MYOF: variants seen among roughly 807,000 people sequenced by gnomAD.
MYOF encodes fer-1-like 3, myoferlin.
MYOF carries 244 observed loss-of-function variants against 284.2 expected under a neutral mutation model. The ratio of observed to expected loss-of-function variants is 0.86; its 90% CI spans 0.77 to 0.95. The LOEUF is 0.95. MYOF is among the 40% of genes least tolerant of loss of function. The pLI is 0.00. For missense variants in MYOF, 2,496 were observed against 2,560.6 expected (o/e 0.97, Z 0.54); for synonymous variants, 904 against 919.7 (o/e 0.98, Z 0.31).
At chr10:93,324,081 A>C (rs1842945335) in intron 46 of MYOF, among the ~76,000 whole-genome samples, 1 of 152,208 alleles carries the variant, frequency 6.6e-6, no homozygotes, top group Non-Finnish European at 1.5e-5. Context: ...TTTGTGCTCC[A>C]TCTTGGTGAG....
intron 16 of MYOF, among the ~76,000 whole-genome samples, chr10:93,393,799 G>A (rs992589293): frequency 6.6e-6 from 1 of 152,134 alleles, no homozygotes; most frequent in African/African-American, 2.4e-5. Context: ...TCCTCCTTCT[G>A]CTTCTCATCT....
chr10:93,392,990 G>C, intron 16 of MYOF, 35 bp from the exon 17 acceptor site: 1 of 1,554,328 alleles, frequency 6.4e-7, no homozygotes, highest in Non-Finnish European at 8.9e-7. Flanking sequence ...TAAACAAGAA[G>C]AACACGGGCA....
Position 93,482,290 on chromosome 10 carries a change from C to T in MYOF, c.-96G>A, listed in dbSNP as rs1367303036. On this transcript the variant is annotated 5_prime_UTR_variant, in exon 1 of 54. Coordinates refer to ENST00000359263, the MANE Select transcript of MYOF (RefSeq NM_013451.4). ...ACCGCCCTGGGAGAGAAGTTCTCTCCCAGTGAAGGGAGGATTTCTCCCAGG... is the reference window on the plus strand; with the variant it reads ...ACCGCCCTGGGAGAGAAGTTCTCTCTCAGTGAAGGGAGGATTTCTCCCAGG... 3 of 1,046,448 alleles carry T rather than the reference C, an allele frequency of 2.9e-6. No individual in the cohort carries two copies. The highest frequency in any genetic ancestry group is 4.3e-6 in the Non-Finnish European group (3 of 695,118). 64.8% of individuals were successfully genotyped at this position (1,046,448 alleles called of 1,614,324 possible).
At chr10:93,437,387 G>C (rs147503401) in intron 3 of MYOF, among the ~76,000 whole-genome samples, 85 of 152,220 alleles carry the variant, frequency 5.6e-4, no homozygotes, top group Middle Eastern at 3.4e-3. Flanking sequence ...TCTGGAGTGA[G>C]TAAGGGCTTT....
rs779748514 is a variant in MYOF, at chr10:93,337,765, A to T, written c.4437+50T>A. ...CATCCTCTTAGCTCTGCCTGTGGCCAGTTTCAAAGGATGTTGATTCTCCAC... is the reference window on the plus strand; with the variant it reads ...CATCCTCTTAGCTCTGCCTGTGGCCTGTTTCAAAGGATGTTGATTCTCCAC... On this transcript the variant is annotated intron_variant, in intron 40 of 53. Transcript: ENST00000359263. The T allele has an allele frequency of 5.3e-6, 8 of 1,498,918 alleles. No individual in the cohort carries two copies. The East Asian group carries it at 6.8e-5, about 13-fold the overall frequency. The allele number at this position is 1,498,918 out of a possible 1,614,324, so 92.9% of individuals were successfully genotyped here.
intron 1 of MYOF, among the ~76,000 whole-genome samples, chr10:93,459,429 T>C (rs1006542419): frequency 1.3e-5 from 2 of 152,216 alleles, no homozygotes; most frequent in African/African-American, 4.8e-5. Flanking sequence ...TCTCTAACCA[T>C]TGAGACAATT....
At chr10:93,374,279 C>T (rs1314367893) in intron 23 of MYOF, among the ~76,000 whole-genome samples, 1 of 152,164 alleles carries the variant, frequency 6.6e-6, no homozygotes, top group Admixed American at 6.5e-5. Context: ...CATTTGTACA[C>T]CCACCATCTT....
At chr10:93,469,506 TA>T (rs1447239073) in intron 1 of MYOF, among the ~76,000 whole-genome samples, 13 of 152,146 alleles carry the variant, frequency 8.5e-5, no homozygotes, top group African/African-American at 2.9e-4. Context: ...TCCAACACCC[TA>T]GGGCAAACAA....
In MYOF at chr10:93,347,772, TTGGGCAAGAAC is replaced by T. The variant is rs767082957; in HGVS notation, c.4084-1_4093del. On this transcript the variant is annotated splice_acceptor_variant and coding_sequence_variant, in exon 37 of 54. Transcript: ENST00000359263. LOFTEE classifies it high-confidence loss of function. ...CAGTGGGGGCATGTACAATTCCTCC[TTGGGCAAGAAC>T]TGGGGGTCACAAAGGTAGGTTTCAT... 22 of 1,611,522 alleles carry T rather than the reference TTGGGCAAGAAC, an allele frequency of 1.4e-5. No homozygotes were observed. Among genetic ancestry groups the T allele is most frequent in the Non-Finnish European group, 1.8e-5 (21 of 1,178,464 alleles).
intron 32 of MYOF, among the ~76,000 whole-genome samples, chr10:93,352,945 G>C (rs938879755): frequency 6.6e-6 from 1 of 152,158 alleles, no homozygotes; most frequent in Non-Finnish European, 1.5e-5. Flanking sequence ...ACAAATATTG[G>C]TAAATATTAG....
chr10:93,307,189 C>T (rs1034388689), intron 53 of MYOF, among the ~76,000 whole-genome samples, 188 bp from the exon 54 acceptor site: 1 of 100,166 alleles, frequency 1.0e-5, no homozygotes, highest in South Asian at 3.0e-4. Flanking sequence ...GCCAGTAGCA[C>T]CCCCCCGCCA....
chr10:93,394,594 G>A (rs183600873), intron 16 of MYOF, among the ~76,000 whole-genome samples: 3 of 150,760 alleles, frequency 2.0e-5, no homozygotes, highest in Non-Finnish European at 3.0e-5. Flanking sequence ...CAGAGTAGCT[G>A]GGACTACATG....
At chr10:93,434,242 C>T (rs958447329) in intron 3 of MYOF, among the ~76,000 whole-genome samples, 2 of 151,890 alleles carry the variant, frequency 1.3e-5, no homozygotes, top group African/African-American at 4.8e-5. Context: ...ACCAGCCTGG[C>T]CAACATGGTG....
At chr10:93,424,442 C>T (rs572461106) in intron 5 of MYOF, among the ~76,000 whole-genome samples, 1 of 152,160 alleles carries the variant, frequency 6.6e-6, no homozygotes, top group East Asian at 1.9e-4. Flanking sequence ...CTCTGTGTTT[C>T]GTGGTTTTTT....
chr10:93,437,675 T>C (rs1284986545), intron 3 of MYOF, among the ~76,000 whole-genome samples: 1 of 152,180 alleles, frequency 6.6e-6, no homozygotes, highest in South Asian at 2.1e-4. Flanking sequence ...AGGTCCCCTG[T>C]AGGAAACCTA....
intron 35 of MYOF, 108 bp downstream of exon 35, chr10:93,351,089 G>A: frequency 8.3e-7 from 1 of 1,207,250 alleles, no homozygotes; most frequent in Non-Finnish European, 1.2e-6. Flanking sequence ...AAAGGAAGTT[G>A]GAGATAGCAA....
In MYOF at chr10:93,482,203, G is replaced by A; in HGVS notation, c.-9C>T. On this transcript the variant is annotated 5_prime_UTR_variant, in exon 1 of 54. Coordinates refer to ENST00000359263, the MANE Select transcript of MYOF (RefSeq NM_013451.4). ...ACAATCACTCGCAGCATGGTTCTTA[G>A]CTGGTAGAAAGCAAGTTTCAGCAAA... is the stretch of plus-strand genomic sequence containing the variant. The A allele has an allele frequency of 6.2e-7, 1 of 1,610,550 alleles. No individual in the cohort carries two copies. The highest frequency in any genetic ancestry group is 8.5e-7 in the Non-Finnish European group (1 of 1,178,782).
intron 1 of MYOF, among the ~76,000 whole-genome samples, chr10:93,460,865 G>T (rs560504278): frequency 6.6e-6 from 1 of 152,206 alleles, no homozygotes; most frequent in East Asian, 1.9e-4. Flanking sequence ...GGAGGCTGAG[G>T]CAGGCGGATC....
rs200180322 is a variant in MYOF at position 93,335,971 on chromosome 10, G to A, written c.4513C>T (p.Arg1505Ter). 216 of 1,613,982 alleles carry A rather than the reference G, an allele frequency of 1.3e-4. No individual in the cohort carries two copies. The highest frequency in any genetic ancestry group is 3.4e-5 in the Non-Finnish European group (40 of 1,180,012). ...TCTTCATTTTCATCCGACTTGCCTC[G>A]GTACAACTTGAACGTATCTGAGAAG... ...TDFSDTFKLY[R>*]GKSDENEDPS... Residue 1505 changes from arginine to a stop codon, truncating the protein, a stop_gained, in exon 41 of 54, where the codon CGA (arginine) becomes TGA (stop). Coordinates refer to ENST00000359263, the MANE Select transcript of MYOF (RefSeq NM_013451.4). LOFTEE classifies it high-confidence loss of function.
Sources: gnomAD v4.1 joint callset for allele counts (sites outside exome capture counted in the v4.1 genomes callset) on GRCh38, gnomAD v4.1.1 for gene constraint, MANE v1.5 for transcripts, NCBI Gene and HGNC (gene_info 2026-07-23, HGNC 2026-07-21) for gene names.